PTPRG: variants seen among roughly 807,000 people sequenced by gnomAD.
PTPRG encodes protein tyrosine phosphatase receptor type G.
In PTPRG, 102 loss-of-function variants were observed where a neutral mutation model predicts 165.3. That is an observed-to-expected ratio of 0.62 (90% CI 0.53 to 0.73). The LOEUF (loss-of-function observed/expected upper bound fraction) is 0.73. Among genes scored for constraint, PTPRG ranks in the 30% least tolerant of loss-of-function variants. The probability of loss-of-function intolerance (pLI) is 0.00; values close to 1 mark genes in which losing one functional copy is unlikely to be tolerated. For missense variants in PTPRG, 1,866 were observed against 1,861.4 expected (o/e 1.00, Z -0.05); for synonymous variants, 675 against 669.5 (o/e 1.01, Z -0.13).
rs1013504541 is a variant in PTPRG at position 62,240,241 on chromosome 3, G to A, written c.2376-3566G>A. 1.3e-5 allele frequency among the ~76,000 whole-genome samples: 2 copies of A among 152,146 alleles called. No individual in the cohort carries two copies. The highest frequency in any genetic ancestry group is 2.1e-4 in the South Asian group (1 of 4,822). ...CTTAGGAGGCTGAGGCACGAGAGGC[G>A]TGAGAATCGCCCGAACCTGGGAGGC... is the stretch of plus-strand genomic sequence containing the variant. On this transcript the variant is annotated intron_variant, in intron 14 of 29. Coordinates refer to ENST00000474889, the MANE Select transcript of PTPRG (RefSeq NM_002841.4). This position sits in a 1 kb window ranked among gnomAD's most constrained non-coding sequence, Gnocchi z 5.1.
chr3:61,634,695 C>T (rs1701859367), intron 1 of PTPRG, among the ~76,000 whole-genome samples: 1 of 152,072 alleles, frequency 6.6e-6, no homozygotes, highest in Non-Finnish European at 1.5e-5. Flanking sequence ...GAAAGTTTCC[C>T]CTCTTCTCCT....
At chr3:62,091,152 G>C (rs1701913855) in intron 5 of PTPRG, among the ~76,000 whole-genome samples, 1 of 152,218 alleles carries the variant, frequency 6.6e-6, no homozygotes, top group Non-Finnish European at 1.5e-5. Flanking sequence ...ATACCATGAA[G>C]TCTGTCCCAG....
At chr3:61,702,232 G>A (rs2031006159) in intron 1 of PTPRG, among the ~76,000 whole-genome samples, 1 of 152,138 alleles carries the variant, frequency 6.6e-6, no homozygotes, top group Non-Finnish European at 1.5e-5. Flanking sequence ...ACCCACCTCG[G>A]CCTCCCAAAG....
At chr3:61,949,579 T>C (rs371325117) in intron 2 of PTPRG, among the ~76,000 whole-genome samples, 48 of 152,284 alleles carry the variant, frequency 3.2e-4, no homozygotes, top group Non-Finnish European at 4.4e-5. Flanking sequence ...TGTCCTAATT[T>C]CACATGGGAG....
intron 4 of PTPRG, among the ~76,000 whole-genome samples, chr3:62,022,043 G>A (rs1026983279): frequency 1.3e-5 from 2 of 151,758 alleles, no homozygotes; most frequent in Non-Finnish European, 2.9e-5. Context: ...TACAATTTAC[G>A]TTAAATTTTA....
intron 2 of PTPRG, among the ~76,000 whole-genome samples, chr3:61,789,674 T>TAA (rs2034814396): frequency 1.3e-5 from 2 of 152,240 alleles, no homozygotes; most frequent in South Asian, 4.1e-4. Flanking sequence ...AAGATCAATG[T>TAA]GTCTGTATTT....
At chr3:61,778,001 T>C (rs1322686273) in intron 2 of PTPRG, among the ~76,000 whole-genome samples, 1 of 151,966 alleles carries the variant, frequency 6.6e-6, no homozygotes, top group East Asian at 1.9e-4. Context: ...TGCCATTCAC[T>C]CATTCATTCA....
chr3:62,061,655 G>C (rs1173144532), intron 4 of PTPRG, among the ~76,000 whole-genome samples: 1 of 146,026 alleles, frequency 6.8e-6, no homozygotes, highest in African/African-American at 2.5e-5. Flanking sequence ...TTTAGATGGA[G>C]TCTCGCTCTG....
chr3:61,740,038 G>C (rs182724247), intron 1 of PTPRG, among the ~76,000 whole-genome samples: 6 of 152,216 alleles, frequency 3.9e-5, no homozygotes, highest in African/African-American at 1.4e-4. Context: ...CAAAAGTTCA[G>C]ATGGGTGGCC....
chr3:61,656,190 C>T (rs367799131), intron 1 of PTPRG, among the ~76,000 whole-genome samples: 6 of 152,202 alleles, frequency 3.9e-5, no homozygotes, highest in Admixed American at 3.3e-4. Flanking sequence ...TATGATTGTA[C>T]CACTGTATTC....
Position 62,203,261 on chromosome 3 carries a change from T to C in PTPRG, c.1466T>C (p.Phe489Ser). 1 of 1,613,920 alleles carries C rather than the reference T, an allele frequency of 6.2e-7. No homozygotes were observed. Among genetic ancestry groups the C allele is most frequent in the Non-Finnish European group, 8.5e-7 (1 of 1,179,988 alleles). The change falls in exon 12 of 30, where the codon TTT (phenylalanine) becomes TCT (serine). Residue 489 changes from phenylalanine to serine, a missense_variant. Phe to Ser is a radical substitution (Grantham distance 155). Around this residue, in one of 3 missense-constraint regions of PTPRG, gnomAD observed 1,452 missense variants for 1,463.0 expected, o/e 0.99. Coordinates refer to ENST00000474889, the MANE Select transcript of PTPRG (RefSeq NM_002841.4). This position sits in a 1 kb window ranked among gnomAD's most constrained non-coding sequence, Gnocchi z 6.4. ...TWTSSGIPFS[F>S]VSMATGMGPS... The stretch of plus-strand genomic sequence containing the variant: ...ACGTCCTCTGGCATCCCATTCTCAT[T>C]TGTTTCCATGGCAACTGGGATGGGC...
At chr3:61,578,816 TTTAA>T (rs1185013081) in intron 1 of PTPRG, among the ~76,000 whole-genome samples, 2 of 152,160 alleles carry the variant, frequency 1.3e-5, no homozygotes, top group African/African-American at 4.8e-5. Context: ...CCCATCCCTG[TTTAA>T]TTGTTTTTGA....
intron 2 of PTPRG, among the ~76,000 whole-genome samples, chr3:61,871,218 ATGTTATGTT>A (rs1461437855): frequency 8.0e-6 from 1 of 125,708 alleles, no homozygotes; most frequent in African/African-American, 3.0e-5. Context: ...ATGTTATGTT[ATGTTATGTT>A]ATGTTAATGT....
In PTPRG at chr3:61,785,902, A is replaced by G. The variant is rs115914109; in HGVS notation, c.190+36920A>G. On this transcript the variant is annotated intron_variant, in intron 2 of 29. Transcript: ENST00000474889. The stretch of plus-strand genomic sequence containing the variant: ...ACACTTAGCTTAGGGAAGTAGGGCC[A>G]CTTCTCTCCTGTTTGTTCTTTTCCT... Among the ~76,000 whole-genome samples, 526 of 152,174 alleles carry G rather than the reference A, an allele frequency of 3.5e-3. 1 individual carries two copies. The highest frequency in any genetic ancestry group is 0.012 in the African/African-American group (508 of 41,508).
chr3:61,836,721 TTTG>T (rs1197129235), intron 2 of PTPRG, among the ~76,000 whole-genome samples: 13 of 143,674 alleles, frequency 9.0e-5, no homozygotes, highest in South Asian at 2.3e-4. Flanking sequence ...AACCAGTTTT[TTTG>T]TTGTTGTTGT....
chr3:62,210,590 AAACAGT>A lies in PTPRG; in HGVS notation c.2155+6641_2155+6646del, dbSNP rs1455078268. 1.3e-5 allele frequency among the ~76,000 whole-genome samples: 2 copies of A among 152,142 alleles called. No individual in the cohort carries two copies. The highest frequency in any genetic ancestry group is 3.9e-4 in the East Asian group (2 of 5,182). ...TCTGGGTATACACTTGACCCTTGAA[AAACAGT>A]CTTGAACTGCTTATATCCACTTATA... is the stretch of plus-strand genomic sequence containing the variant. On this transcript the variant is annotated intron_variant, in intron 12 of 29. Transcript: ENST00000474889. This position sits in a 1 kb window ranked among gnomAD's most constrained non-coding sequence, Gnocchi z 4.1.
At position 62,132,582 on chromosome 3, in the gene PTPRG, C is replaced by T. The variant is rs768070313; in HGVS notation, c.616-20C>T. On this transcript the variant is annotated intron_variant, in intron 5 of 29. Transcript: ENST00000474889. ...TGATGCCAGAATAGATTTAACCAAT[C>T]ATGTTTCCTTTACATTTAGGTCAGT... 6.4e-7 allele frequency: 1 copy of T among 1,572,424 alleles called. No homozygotes were observed. The highest frequency in any genetic ancestry group is 8.8e-7 in the Non-Finnish European group (1 of 1,142,072).
At chr3:61,597,157 C>T (rs7612843) in intron 1 of PTPRG, among the ~76,000 whole-genome samples, 14,531 of 152,178 alleles carry the variant, frequency 0.095, 767 homozygotes, top group East Asian at 0.22. Flanking sequence ...TGACATTAAT[C>T]CATTCATGAG....
At chr3:61,989,930 C>A in intron 3 of PTPRG, 126 bp downstream of exon 3, 1 of 1,005,282 alleles carries the variant, frequency 9.9e-7, no homozygotes, top group Non-Finnish European at 1.4e-6. Flanking sequence ...CTAAATCAGT[C>A]CTTAGTTTCA....
Sources: gnomAD v4.1 joint callset for allele counts (sites outside exome capture counted in the v4.1 genomes callset) on GRCh38, gnomAD v4.1.1 for gene constraint, gnomAD v4.1.1 regional missense constraint, Gnocchi (gnomAD v3.1) non-coding constraint, MANE v1.5 for transcripts, NCBI Gene and HGNC (gene_info 2026-07-23, HGNC 2026-07-21) for gene names.